The following APTX variants were observed in gnomAD, a reference collection of about 807,000 sequenced individuals.
APTX encodes the protein aprataxin, also known as forkhead-associated domain histidine triad-like protein.
APTX carries 33 observed loss-of-function variants against 42.3 expected under a neutral mutation model. The ratio of observed to expected loss-of-function variants is 0.78; its 90% confidence interval spans 0.59 to 1.04. APTX has a LOEUF of 1.04. Ranked by LOEUF, APTX falls within the 50% of genes least tolerant of loss-of-function variation. The pLI, the probability that APTX is intolerant of heterozygous loss-of-function variation, is 0.00. For missense variants in APTX, 421 were observed against 415.1 expected, an observed-to-expected ratio of 1.01 and a Z score of -0.12; for synonymous variants, 130 against 146.7, an observed-to-expected ratio of 0.89 and a Z score of 0.82.
chr9:33,019,647 C>CA (rs1838205138), intron 1 of APTX: 2 of 405,428 alleles, frequency 4.9e-6, no homozygotes, highest in African/African-American at 4.1e-5. Context: ...AGGATGGATG[C>CA]ACTGCCTAGG....
intron 1 of APTX, among the ~76,000 whole-genome samples, chr9:32,990,630 T>A (rs1563974202): frequency 6.6e-6 from 1 of 152,184 alleles, no homozygotes; most frequent in Non-Finnish European, 1.5e-5. Flanking sequence ...TGATAAACAC[T>A]ACAAGAAGAG....
intron 5 of APTX, among the ~76,000 whole-genome samples, chr9:32,985,192 C>T (rs1262030037): frequency 1.3e-5 from 2 of 152,224 alleles, no homozygotes; most frequent in Non-Finnish European, 2.9e-5. Context: ...AATTCAAAAG[C>T]ATCCTTCTCC....
intron 6 of APTX, among the ~76,000 whole-genome samples, chr9:32,976,382 A>G (rs1829422175): frequency 6.6e-6 from 1 of 152,256 alleles, no homozygotes; most frequent in Admixed American, 6.5e-5. Context: ...TATAATAAAA[A>G]AAAATAAAAA....
chr9:32,989,037 AT>A (rs1384661103), intron 2 of APTX, among the ~76,000 whole-genome samples: 1 of 152,216 alleles, frequency 6.6e-6, no homozygotes, highest in Non-Finnish European at 1.5e-5. Context: ...AGGGTGCCAC[AT>A]ACATGCCCCT....
intron 1 of APTX, among the ~76,000 whole-genome samples, chr9:33,017,607 G>A (rs907790544): frequency 6.6e-6 from 1 of 152,126 alleles, no homozygotes. Flanking sequence ...ACAGCACAGA[G>A]GTTCTCACAA....
intron 1 of APTX, among the ~76,000 whole-genome samples, chr9:33,024,238 T>C (rs1238552344): frequency 6.6e-6 from 1 of 152,200 alleles, no homozygotes; most frequent in Admixed American, 6.5e-5. Flanking sequence ...GTATCAAACT[T>C]CTGAGCTCAC....
chr9:32,995,948 A>T, intron 1 of APTX, among the ~76,000 whole-genome samples: 1 of 151,748 alleles, frequency 6.6e-6, no homozygotes, highest in East Asian at 1.9e-4. Context: ...TATGACCCTG[A>T]TCAGTCAGCA....
At chr9:32,992,850 G>A (rs566647363) in intron 1 of APTX, among the ~76,000 whole-genome samples, 2 of 152,310 alleles carry the variant, frequency 1.3e-5, no homozygotes, top group South Asian at 4.1e-4. Flanking sequence ...GCTGATGCAG[G>A]TGCACGAAGA....
chr9:33,012,273 T>C (rs1015486842), intron 1 of APTX, among the ~76,000 whole-genome samples: 3 of 152,098 alleles, frequency 2.0e-5, no homozygotes, highest in Non-Finnish European at 2.9e-5. Context: ...AGAGAGAGGA[T>C]ATAGCATACA....
chr9:32,992,547 A>G (rs1431238562), intron 1 of APTX, among the ~76,000 whole-genome samples: 1 of 152,246 alleles, frequency 6.6e-6, no homozygotes, highest in Non-Finnish European at 1.5e-5. Flanking sequence ...TCGGGGTAAA[A>G]GCAGACTTAG....
chr9:33,019,296 C>T (rs185658897), intron 1 of APTX, among the ~76,000 whole-genome samples: 1 of 151,734 alleles, frequency 6.6e-6, no homozygotes, highest in East Asian at 1.9e-4. Flanking sequence ...TGAAATTGTA[C>T]GTAGTCAGAA....
At chr9:32,982,421 A>C (rs1318009547) in intron 6 of APTX, among the ~76,000 whole-genome samples, 1 of 152,238 alleles carries the variant, frequency 6.6e-6, no homozygotes, top group Non-Finnish European at 1.5e-5. Context: ...GTTATCTAAA[A>C]TAAGGTCTAT....
Position 32,989,862 on chromosome 9 carries a change from C to T in APTX, c.30G>A (p.Gln10=). The change falls in exon 2 of 8, where the codon CAG becomes CAA. Residue 10 remains glutamine, a synonymous_variant. Transcript: ENST00000379817. Reference sequence around the variant, plus strand: ...GTCTGATTCGCTGGTGCCGGCTGTCCTGTCTCACCAACCAGCACACCCGCA... The same window carrying T: ...GTCTGATTCGCTGGTGCCGGCTGTCTTGTCTCACCAACCAGCACACCCGCA... MMRVCWLVR[Q]DSRHQRIRLP... 6.2e-7 allele frequency: 1 copy of T among 1,614,214 alleles called. No individual in the cohort carries two copies.
intron 4 of APTX, 40 bp from the exon 5 acceptor site, chr9:32,986,070 A>C (rs540836981): frequency 1.4e-5 from 20 of 1,438,962 alleles, no homozygotes; most frequent in African/African-American, 8.6e-5. Context: ...AAAAAAAAAA[A>C]CAAGCAATGT....
chr9:33,008,456 G>A, intron 1 of APTX, among the ~76,000 whole-genome samples: 1 of 151,848 alleles, frequency 6.6e-6, no homozygotes, highest in Non-Finnish European at 1.5e-5. Context: ...ACCCAGGCTG[G>A]TCTCAAACTG....
At chr9:33,008,439 C>T (rs1837312014) in intron 1 of APTX, among the ~76,000 whole-genome samples, 1 of 151,862 alleles carries the variant, frequency 6.6e-6, no homozygotes, top group Non-Finnish European at 1.5e-5. Flanking sequence ...CAGGGTCTCA[C>T]TGTGTTACCC....
intron 6 of APTX, among the ~76,000 whole-genome samples, chr9:32,981,552 A>G (rs1196378171): frequency 6.6e-6 from 1 of 152,176 alleles, no homozygotes; most frequent in East Asian, 1.9e-4. Context: ...AAGAAGACCT[A>G]GGGCTCTTTG....
intron 1 of APTX, among the ~76,000 whole-genome samples, chr9:33,006,835 C>T (rs1388754025): frequency 6.6e-6 from 1 of 151,482 alleles, no homozygotes; most frequent in African/African-American, 2.4e-5. Context: ...CCCGTCTCTA[C>T]TAAAAATACA....
chr9:33,006,657 G>A (rs985330864), intron 1 of APTX, among the ~76,000 whole-genome samples: 1 of 152,124 alleles, frequency 6.6e-6, no homozygotes. Flanking sequence ...GTATTAGTCA[G>A]AGTTCTCCAG....
Sources: gnomAD v4.1 joint callset for allele counts (sites outside exome capture counted in the v4.1 genomes callset) on GRCh38, gnomAD v4.1.1 for gene constraint, MANE v1.5 for transcripts, NCBI Gene and HGNC (gene_info 2026-07-23, HGNC 2026-07-21) for gene names.